Variants in CFAP54 observed in about 807,000 individuals in gnomAD.
CFAP54 encodes the protein cilia- and flagella-associated protein 54.
A neutral mutation model predicts 370.4 loss-of-function variants in CFAP54; 290 were observed. That is an observed-to-expected ratio of 0.78 (90% CI 0.71 to 0.86). The LOEUF is 0.86. Ranked by LOEUF, CFAP54 falls within the 40% of genes least tolerant of loss-of-function variation. CFAP54 has a pLI of 0.00. For synonymous variants in CFAP54, 1,206 were observed against 1,236.5 expected (o/e 0.98, Z 0.52); for missense variants, 3,399 against 3,528.7 (o/e 0.96, Z 0.93).
intron 64 of CFAP54, among the ~76,000 whole-genome samples, chr12:96,816,872 G>A (rs1958979255): frequency 6.6e-6 from 1 of 152,166 alleles, no homozygotes; most frequent in Non-Finnish European, 1.5e-5. Flanking sequence ...ACTGTTAACT[G>A]GCATGTGAAC....
chr12:96,806,305 A>G (rs1323113175), intron 63 of CFAP54, among the ~76,000 whole-genome samples: 1 of 149,646 alleles, frequency 6.7e-6, no homozygotes, highest in Non-Finnish European at 1.5e-5. Flanking sequence ...TTCAAAGGCC[A>G]TAGAAGACTC....
At chr12:96,838,844 G>A (rs931481333) in intron 66 of CFAP54, among the ~76,000 whole-genome samples, 1 of 152,194 alleles carries the variant, frequency 6.6e-6, no homozygotes, top group African/African-American at 2.4e-5. Context: ...TGTTTAAAAT[G>A]GATGATTGTT....
Position 96,819,992 on chromosome 12 carries a change from A to G in CFAP54, c.9096+2079A>G, listed in dbSNP as rs552816520. Reference sequence around the variant, plus strand: ...AACTCTTGCCTACAAAACAAATTTTATTCATCATTTCTTCATTCAACATCT... The same window carrying G: ...AACTCTTGCCTACAAAACAAATTTTGTTCATCATTTCTTCATTCAACATCT... On this transcript the variant is annotated intron_variant, in intron 65 of 67. Coordinates refer to ENST00000524981, the MANE Select transcript of CFAP54 (RefSeq NM_001306084.2). 3.9e-5 allele frequency among the ~76,000 whole-genome samples: 6 copies of G among 152,128 alleles called. No homozygotes were observed. In the South Asian group the frequency reaches 1.2e-3, roughly 32 times the overall value.
At chr12:96,728,795 C>T (rs2136623230) in intron 50 of CFAP54, among the ~76,000 whole-genome samples, 1 of 152,194 alleles carries the variant, frequency 6.6e-6, no homozygotes, top group Non-Finnish European at 1.5e-5. Flanking sequence ...GTTTTTTCCC[C>T]ATCTTTATGG....
At chr12:96,538,136 T>C (rs1278102146) in intron 12 of CFAP54, among the ~76,000 whole-genome samples, 1 of 152,088 alleles carries the variant, frequency 6.6e-6, no homozygotes, top group Non-Finnish European at 1.5e-5. Flanking sequence ...CTACTTAGGT[T>C]TGAATCCCTC....
At chr12:96,872,020 G>C (rs1189611931) in intron 67 of CFAP54, among the ~76,000 whole-genome samples, 1 of 151,940 alleles carries the variant, frequency 6.6e-6, no homozygotes, top group Admixed American at 6.6e-5. Context: ...TTTGAAAAAA[G>C]GATGGCAAAA....
chr12:96,826,830 A>AATATATCATAATATT (rs1264573728), intron 65 of CFAP54, among the ~76,000 whole-genome samples: 1 of 115,952 alleles, frequency 8.6e-6, no homozygotes, highest in Non-Finnish European at 1.6e-5. Flanking sequence ...TATATTATAT[A>AATATATCATAATATT]ATATATCATA....
intron 65 of CFAP54, among the ~76,000 whole-genome samples, chr12:96,826,824 TTA>T (rs1256504482): frequency 1.8e-5 from 2 of 113,640 alleles, no homozygotes; most frequent in Non-Finnish European, 3.2e-5. Context: ...TATTAATATA[TTA>T]TATAATATAT....
At chr12:96,517,987 A>C (rs1448483318) in intron 5 of CFAP54, among the ~76,000 whole-genome samples, 1 of 152,238 alleles carries the variant, frequency 6.6e-6, no homozygotes, top group Non-Finnish European at 1.5e-5. Flanking sequence ...GGACCAATGC[A>C]CTGGAGGTAT....
At chr12:96,676,182 A>G (rs762832861) in intron 39 of CFAP54, among the ~76,000 whole-genome samples, 1 of 152,148 alleles carries the variant, frequency 6.6e-6, no homozygotes, top group Non-Finnish European at 1.5e-5. Flanking sequence ...CTGCACCTCC[A>G]CACACAGGTT....
chr12:96,551,694 T>G (rs1208961273), intron 15 of CFAP54, among the ~76,000 whole-genome samples: 1 of 152,122 alleles, frequency 6.6e-6, no homozygotes, highest in Non-Finnish European at 1.5e-5. Context: ...TCAACAACCA[T>G]CTTCTTTAAA....
Position 96,786,738 on chromosome 12 carries a change from A to G in CFAP54, c.8519A>G (p.Asn2840Ser), listed in dbSNP as rs1958633492. Residue 2840 changes from asparagine to serine, a missense_variant, in exon 62 of 68, where the codon AAC (asparagine) becomes AGC (serine). Asn to Ser is a conservative substitution (Grantham distance 46). Coordinates refer to ENST00000524981, the MANE Select transcript of CFAP54 (RefSeq NM_001306084.2). ...GATACACTTCTCACATCCCTTTACA[A>G]CTCTGAGTTGATTTTGCGCCAGAAA... ...PDDTLLTSLY[N>S]SELILRQKEV... 2 of 1,535,726 alleles carry G rather than the reference A, an allele frequency of 1.3e-6. No homozygotes were observed. Among genetic ancestry groups the G allele is most frequent in the Non-Finnish European group, 1.7e-6 (2 of 1,146,772 alleles).
intron 46 of CFAP54, among the ~76,000 whole-genome samples, chr12:96,702,600 A>G (rs919720266): frequency 6.6e-6 from 1 of 152,220 alleles, no homozygotes; most frequent in Non-Finnish European, 1.5e-5. Context: ...TTACAAGTAG[A>G]TTCCAAACTT....
At chr12:96,729,685 C>T (rs1440247563) in intron 50 of CFAP54, among the ~76,000 whole-genome samples, 2 of 152,210 alleles carry the variant, frequency 1.3e-5, no homozygotes, top group Non-Finnish European at 2.9e-5. Flanking sequence ...GCACGGCGCG[C>T]TGCACCCACT....
At chr12:96,867,338 A>G in intron 67 of CFAP54, among the ~76,000 whole-genome samples, 1 of 152,304 alleles carries the variant, frequency 6.6e-6, no homozygotes, top group East Asian at 1.9e-4. Context: ...GAACACAAGC[A>G]GTGACACTTA....
chr12:96,689,327 A>C (rs1014673155), intron 43 of CFAP54, among the ~76,000 whole-genome samples: 1 of 152,018 alleles, frequency 6.6e-6, no homozygotes, highest in Non-Finnish European at 1.5e-5. Context: ...CACCCAGCTA[A>C]TTTCTTGTAT....
chr12:96,664,209 T>C (rs1957030313), intron 39 of CFAP54, among the ~76,000 whole-genome samples: 1 of 152,144 alleles, frequency 6.6e-6, no homozygotes, highest in African/African-American at 2.4e-5. Context: ...TCATGGGGGC[T>C]TGTTTTACAG....
At chr12:96,624,390 G>A (rs770753650) in intron 28 of CFAP54, among the ~76,000 whole-genome samples, 1 of 152,226 alleles carries the variant, frequency 6.6e-6, no homozygotes, top group Non-Finnish European at 1.5e-5. Flanking sequence ...TAAAGGAATA[G>A]TGTGAGTGTT....
chr12:96,608,459 CTTTTTTT>C (rs5800258), intron 26 of CFAP54, among the ~76,000 whole-genome samples: 1 of 107,000 alleles, frequency 9.3e-6, no homozygotes, highest in Non-Finnish European at 1.8e-5. Context: ...CATAGTAGGA[CTTTTTTT>C]TTTTTTTTTT....
Sources: allele counts gnomAD v4.1 joint callset (sites outside exome capture counted in the v4.1 genomes callset), GRCh38; gene constraint gnomAD v4.1.1; transcripts MANE v1.5; gene names NCBI Gene and HGNC (gene_info 2026-07-23, HGNC 2026-07-21).